Variants in CRLF3 observed in about 807,000 individuals in gnomAD.
CRLF3 encodes cytokine receptor-like factor 3.
A neutral mutation model predicts 55.0 loss-of-function variants in CRLF3; 33 were observed. The ratio of observed to expected loss-of-function variants is 0.60; its 90% CI spans 0.46 to 0.80. The LOEUF (loss-of-function observed/expected upper bound fraction) is 0.80, where lower values mean the gene tolerates loss of function less well. Among genes scored for constraint, CRLF3 ranks in the 30% least tolerant of loss-of-function variants. CRLF3 has a pLI of 0.00. For synonymous variants in CRLF3, 238 were observed against 196.8 expected (o/e 1.21, Z -1.75); for missense variants, 494 against 538.4 (o/e 0.92, Z 0.82).
chr17:30,785,086 T>TTTC (rs1971609430), intron 7 of CRLF3: 1 of 15,876 alleles, frequency 6.3e-5, no homozygotes, highest in Admixed American at 4.1e-4. Flanking sequence ...TGCTAGTGAA[T>TTTC]TTTTTTTTTT....
intron 1 of CRLF3, among the ~76,000 whole-genome samples, chr17:30,808,101 C>T (rs141130202): frequency 1.2e-3 from 187 of 152,052 alleles, no homozygotes; most frequent in African/African-American, 4.1e-3. Flanking sequence ...TGAGTGAAAA[C>T]GCAGTTAATC....
At chr17:30,793,413 T>A (rs1971854949) in intron 5 of CRLF3, 37 bp downstream of exon 5, 4 of 1,506,334 alleles carry the variant, frequency 2.7e-6, no homozygotes, top group African/African-American at 1.4e-5. Context: ...TTCTAATATA[T>A]AGTTAGGCTT....
intron 1 of CRLF3, among the ~76,000 whole-genome samples, chr17:30,823,343 C>T (rs1263327972): frequency 6.6e-6 from 1 of 151,296 alleles, no homozygotes; most frequent in African/African-American, 2.4e-5. Flanking sequence ...CCACCCTGAG[C>T]GACACAGCCA....
intron 1 of CRLF3, among the ~76,000 whole-genome samples, chr17:30,810,934 C>CA (rs1414163614): frequency 1.3e-5 from 2 of 149,204 alleles, no homozygotes; most frequent in Non-Finnish European, 3.0e-5. Flanking sequence ...GTAAAAAATA[C>CA]AAAAAATCAG....
intron 2 of CRLF3, among the ~76,000 whole-genome samples, chr17:30,797,725 T>C (rs1277780174): frequency 6.6e-6 from 1 of 151,320 alleles, no homozygotes; most frequent in Non-Finnish European, 1.5e-5. Context: ...TGAACTTCAA[T>C]AGGAGCCAGT....
At chr17:30,788,344 GA>G (rs1567658004) in intron 6 of CRLF3, among the ~76,000 whole-genome samples, 3 of 146,548 alleles carry the variant, frequency 2.0e-5, no homozygotes, top group Non-Finnish European at 3.0e-5. Context: ...AAAAAGAAAA[GA>G]AAAGAAAAGA....
chr17:30,807,517 C>CTTTTT lies in CRLF3; in HGVS notation c.130-3414_130-3410dup, dbSNP rs778842582. Reference sequence around the variant, plus strand: ...CAGACCATAGAAACAATTTTCTTTCCTTTTTTTTTTTTTTTTTTTTTTTTT... The same window carrying CTTTTT: ...CAGACCATAGAAACAATTTTCTTTCCTTTTTTTTTTTTTTTTTTTTTTTTTTTTTT... On this transcript the variant is annotated intron_variant, in intron 1 of 7. Coordinates refer to ENST00000324238, the MANE Select transcript of CRLF3 (RefSeq NM_015986.4). Among the ~76,000 whole-genome samples the CTTTTT allele has an allele frequency of 5.4e-3, 340 of 62,988 alleles. 29 individuals are homozygous for CTTTTT. Among genetic ancestry groups the CTTTTT allele is most frequent in the Middle Eastern group, 0.017 (1 of 58 alleles). The allele number at this position is 62,988 out of a possible 152,430, so 41.3% of individuals were successfully genotyped here.
At position 30,793,212 on chromosome 17, in the gene CRLF3, C is replaced by G. The variant is rs375065176; in HGVS notation, c.826+238G>C. Reference sequence around the variant, plus strand: ...ATATCAGTGCCCTACATAATATTTTCAATCTTTGGTTTTCAATGAGGCTAA... The same window carrying G: ...ATATCAGTGCCCTACATAATATTTTGAATCTTTGGTTTTCAATGAGGCTAA... On this transcript the variant is annotated intron_variant, in intron 5 of 7. Coordinates refer to ENST00000324238, the MANE Select transcript of CRLF3 (RefSeq NM_015986.4). 5.9e-5 allele frequency among the ~76,000 whole-genome samples: 9 copies of G among 151,734 alleles called. No homozygotes were observed. The East Asian group carries it at 1.2e-3, about 20-fold the overall frequency.
chr17:30,785,979 C>T lies in CRLF3; in HGVS notation c.1012G>A (p.Glu338Lys). The T allele has an allele frequency of 2.5e-6, 4 of 1,613,416 alleles. No homozygotes were observed. Among genetic ancestry groups the T allele is most frequent in the African/African-American group, 1.3e-5 (1 of 75,028 alleles). ...AGAGAGTCATATCCATCCTGTTTTT[C>T]TGCACACACTCCTATGCTATCTCTT... is the stretch of plus-strand genomic sequence containing the variant. The part of the protein sequence containing the change: ...DRRDSIGVCA[E>K]KQDGYDSLQR... Residue 338 changes from glutamate (E) to lysine (K), a missense_variant, in exon 7 of 8, where the codon GAA becomes AAA. Physicochemically the swap from Glu to Lys is moderately conservative, Grantham distance 56. Transcript: ENST00000324238.
intron 1 of CRLF3, among the ~76,000 whole-genome samples, chr17:30,818,878 C>A (rs1408170602): frequency 6.7e-6 from 1 of 148,780 alleles, no homozygotes; most frequent in African/African-American, 2.5e-5. Context: ...TGCAGTGGTG[C>A]CATCTTGGCT....
chr17:30,787,832 A>G (rs1313389934), intron 6 of CRLF3: 1 of 151,474 alleles, frequency 6.6e-6, no homozygotes, highest in East Asian at 2.0e-4. Flanking sequence ...GAAACCCCGT[A>G]TCTACAAAAA....
rs549664735 is a variant in CRLF3, at chr17:30,798,142, G to C, written c.338-744C>G. On this transcript the variant is annotated intron_variant, in intron 2 of 7. Transcript: ENST00000324238. ...CGCCTGTAATCCCAGCACTTTGGGA[G>C]GCGGAGGCAGGTGGATCACGAGGTC... Among the ~76,000 whole-genome samples, 5 of 152,242 alleles carry C rather than the reference G, an allele frequency of 3.3e-5. No homozygotes were observed. In the East Asian group the frequency reaches 9.7e-4, roughly 29 times the overall value.
chr17:30,793,467 G>T lies in CRLF3; in HGVS notation c.809C>A (p.Ser270Tyr). 2.5e-6 allele frequency: 4 copies of T among 1,613,924 alleles called. No individual in the cohort carries two copies. Among genetic ancestry groups the T allele is most frequent in the Non-Finnish European group, 3.4e-6 (4 of 1,179,894 alleles). Residue 270 changes from serine to tyrosine, a missense_variant, in exon 5 of 8, where the codon TCC (serine) becomes TAC (tyrosine). Physicochemically the swap from Ser to Tyr is moderately radical, Grantham distance 144. Transcript: ENST00000324238. ...CAGCATACCATGAGGCACCAATGTG[G>T]AATGACCTATCTGGGGGACACTCCA... ...SPWSVPQIGH[S>Y]TLVPHEWTAG...
At chr17:30,785,424 A>G (rs1021536144) in intron 7 of CRLF3, among the ~76,000 whole-genome samples, 8 of 151,768 alleles carry the variant, frequency 5.3e-5, no homozygotes, top group African/African-American at 1.7e-4. Context: ...TGAATGATTT[A>G]TTATTTGTAG....
rs758740345 is a variant in CRLF3, at chr17:30,824,528, T to A, written c.124A>T (p.Arg42Trp). 3.7e-5 allele frequency: 58 copies of A among 1,588,774 alleles called. 1 individual carries two copies. In the East Asian group the frequency reaches 1.2e-3, roughly 33 times the overall value. ...TGTGGGTGTGGCCCTCCGACCTGCC[T>A]CCGCGCCTCACGCAGCCCCTCAAGC... ...HRLEGLREAR[R>W]QIKESASQTR... The change falls in exon 1 of 8, where the codon AGG becomes TGG. Residue 42 changes from arginine to tryptophan, a missense_variant. Coordinates refer to ENST00000324238, the MANE Select transcript of CRLF3 (RefSeq NM_015986.4).
At position 30,796,274 on chromosome 17, in the gene CRLF3, A is replaced by G. The variant is rs779721795; in HGVS notation, c.489T>C (p.Ile163=). ...PCLSAQLDDS[I]LNIVKDHIFK... Reference sequence around the variant, plus strand: ...AAATGTGGTCTTTCACTATGTTAAGAATTGAGTCATCCAACTGAGCAGATA... The same window carrying G: ...AAATGTGGTCTTTCACTATGTTAAGGATTGAGTCATCCAACTGAGCAGATA... The change falls in exon 4 of 8, where the codon ATT becomes ATC. Residue 163 remains isoleucine, a synonymous_variant. Transcript: ENST00000324238. 3 of 1,614,094 alleles carry G rather than the reference A, an allele frequency of 1.9e-6. No homozygotes were observed. Among genetic ancestry groups the G allele is most frequent in the Non-Finnish European group, 2.5e-6 (3 of 1,179,980 alleles).
At chr17:30,802,507 T>C (rs1487384283) in intron 2 of CRLF3, among the ~76,000 whole-genome samples, 1 of 152,080 alleles carries the variant, frequency 6.6e-6, no homozygotes, top group African/African-American at 2.4e-5. Flanking sequence ...CACGGCTCAC[T>C]GCAGTGTCAA....
chr17:30,816,488 C>CTT lies in CRLF3; in HGVS notation c.129+8033_129+8034dup, dbSNP rs1183953028. Among the ~76,000 whole-genome samples the CTT allele has an allele frequency of 8.2e-4, 96 of 117,474 alleles. 1 individual carries two copies. In the South Asian group the frequency reaches 0.011, roughly 13 times the overall value. The allele number at this position is 117,474 out of a possible 152,430, so 77.1% of individuals were successfully genotyped here. The stretch of plus-strand genomic sequence containing the variant: ...TGTCTTTACTGTATCTTCTTTCTTT[C>CTT]TTTTTTTTTTTTTTTTTTTTAGACA... On this transcript the variant is annotated intron_variant, in intron 1 of 7. Transcript: ENST00000324238.
intron 2 of CRLF3, among the ~76,000 whole-genome samples, chr17:30,802,566 G>A (rs889471214): frequency 6.6e-6 from 1 of 152,034 alleles, no homozygotes; most frequent in Non-Finnish European, 1.5e-5. Flanking sequence ...AAGTAGTTGG[G>A]ACTCCAGGTG....
Sources: allele counts gnomAD v4.1 joint callset (sites outside exome capture counted in the v4.1 genomes callset), GRCh38; gene constraint gnomAD v4.1.1; transcripts MANE v1.5; gene names NCBI Gene and HGNC (gene_info 2026-07-23, HGNC 2026-07-21).